Variants in ITGA5 observed in about 807,000 individuals in gnomAD.
The protein encoded by ITGA5 is integrin alpha-5.
ITGA5 carries 55 observed loss-of-function variants against 146.3 expected under a neutral mutation model. The observed-to-expected ratio is 0.38, with a 90% confidence interval of 0.30 to 0.47. ITGA5 has a LOEUF of 0.47. Ranked by LOEUF, ITGA5 falls within the 20% of genes least tolerant of loss-of-function variation. The pLI is 0.99. For synonymous variants in ITGA5, 500 were observed against 531.8 expected (o/e 0.94, Z 0.82); for missense variants, 1,131 against 1,329.0 (o/e 0.85, Z 2.32).
In ITGA5 at chr12:54,414,727, G is replaced by A. The variant is rs568460434; in HGVS notation, c.219-2763C>T. Among the ~76,000 whole-genome samples the A allele has an allele frequency of 1.6e-4, 24 of 149,970 alleles. 1 individual carries two copies. Among genetic ancestry groups the A allele is most frequent in the African/African-American group, 5.7e-4 (23 of 40,374 alleles). ...CCGGGCGTGGTGGCGGGCGCTTGTA[G>A]TCCCACCTACTAGGGAGGCTGAGGC... On this transcript the variant is annotated intron_variant, in intron 1 of 29. Coordinates refer to ENST00000293379, the MANE Select transcript of ITGA5 (RefSeq NM_002205.5).
chr12:54,397,280 C>A, intron 29 of ITGA5, 85 bp downstream of exon 29: 1 of 1,501,426 alleles, frequency 6.7e-7, no homozygotes, highest in Non-Finnish European at 9.2e-7. Context: ...GTGAACTGGT[C>A]TAGAGGTAGA....
chr12:54,403,936 A>T lies in ITGA5; in HGVS notation c.1596T>A (p.Ser532=). 1 of 1,614,250 alleles carries T rather than the reference A, an allele frequency of 6.2e-7. No homozygotes were observed. The highest frequency in any genetic ancestry group is 8.5e-7 in the Non-Finnish European group (1 of 1,180,044). ...CAATGGAGTCAGCAACGTGTTTTCC[A>T]GAAGCATTGAGGCAGAAGCTAAGGT... is the stretch of plus-strand genomic sequence containing the variant. ...CINLSFCLNA[S]GKHVADSIGF... The change falls in exon 16 of 30, where the codon TCT becomes TCA. Residue 532 remains serine, a synonymous_variant. Coordinates refer to ENST00000293379, the MANE Select transcript of ITGA5 (RefSeq NM_002205.5). The surrounding 1 kb of genome is among the most constrained non-coding windows in gnomAD (Gnocchi z 4.9).
intron 9 of ITGA5, 78 bp downstream of exon 9, chr12:54,407,570 GC>G: frequency 8.3e-7 from 1 of 1,208,990 alleles, no homozygotes; most frequent in Non-Finnish European, 1.2e-6. Flanking sequence ...ACCTTTTTGA[GC>G]CCTTGCAAAC....
chr12:54,407,429 G>C, intron 9 of ITGA5: 4 of 596,790 alleles, frequency 6.7e-6, no homozygotes, highest in Non-Finnish European at 1.2e-5. Flanking sequence ...TGTTATCCCA[G>C]TATACAGAGA....
chr12:54,405,661 C>T lies in ITGA5; in HGVS notation c.1016+3G>A. On this transcript the variant is annotated splice_donor_region_variant and intron_variant, in intron 11 of 29. Transcript: ENST00000293379. ...CACAGTGCGCTCATTTCCCACCACT[C>T]ACCCGTCCCCATTGACGTCTGTGGC... 1 of 1,612,838 alleles carries T rather than the reference C, an allele frequency of 6.2e-7. No individual in the cohort carries two copies. Among genetic ancestry groups the T allele is most frequent in the Non-Finnish European group, 8.5e-7 (1 of 1,178,932 alleles).
chr12:54,408,043 G>A, intron 7 of ITGA5, 67 bp downstream of exon 7: 1 of 1,598,884 alleles, frequency 6.3e-7, no homozygotes, highest in South Asian at 1.1e-5. Context: ...GGGAGGCGAG[G>A]GGGTGAGTGG....
At chr12:54,402,935 G>A (rs760183867) in intron 19 of ITGA5, 48 bp downstream of exon 19, 1 of 1,532,242 alleles carries the variant, frequency 6.5e-7, no homozygotes, top group South Asian at 1.1e-5. Context: ...ATTTTTTCAG[G>A]TGCCAGGTGC....
At position 54,396,118 on chromosome 12, in the gene ITGA5, G is replaced by C. The variant is rs922122767; in HGVS notation, c.*175C>G. ...TCCTTCACAGTGCATGGGGGGGAGG[G>C]ATCCCCAGCTCCTCACCCCCCTGGC... On this transcript the variant is annotated 3_prime_UTR_variant, in exon 30 of 30. Transcript: ENST00000293379. The C allele has an allele frequency of 3.0e-5, 18 of 593,158 alleles. No homozygotes were observed. The highest frequency in any genetic ancestry group is 5.4e-5 in the Non-Finnish European group (18 of 331,072). The allele number at this position is 593,158 out of a possible 1,614,324, so 36.7% of individuals were successfully genotyped here.
intron 2 of ITGA5, among the ~76,000 whole-genome samples, chr12:54,411,338 T>A (rs1955941576): frequency 1.3e-5 from 2 of 152,224 alleles, no homozygotes; most frequent in Admixed American, 6.5e-5. Flanking sequence ...ATGTAAAGTG[T>A]TCACAACTGG....
At chr12:54,399,570 G>A in intron 27 of ITGA5, 75 bp downstream of exon 27, 1 of 1,006,634 alleles carries the variant, frequency 9.9e-7, no homozygotes, top group Non-Finnish European at 1.6e-6. Flanking sequence ...GGTGGCTACT[G>A]CAGTGGAGAA....
At chr12:54,397,199 A>AGG (rs143537399) in intron 29 of ITGA5, 166 bp downstream of exon 29, 8 of 615,506 alleles carry the variant, frequency 1.3e-5, no homozygotes, top group African/African-American at 7.3e-5. Context: ...TATAGAATGA[A>AGG]GGGGGGGATC....
Position 54,397,376 on chromosome 12 carries a change from T to C in ITGA5, c.3055A>G (p.Ile1019Val), listed in dbSNP as rs551945113. ...GLLLLGLLIYILYKLGFFKRS... is the reference protein window; with the variant it reads ...GLLLLGLLIYVLYKLGFFKRS... ...AGGATGTGGCTGACCTTGTAGAGGA[T>C]GTAGATGAGTAGACCTAGGAGCAGG... is the stretch of plus-strand genomic sequence containing the variant. The change falls in exon 29 of 30, where the codon ATC becomes GTC. Residue 1019 changes from isoleucine to valine, a missense_variant. Around this residue, in one of 3 missense-constraint regions of ITGA5, gnomAD observed 889 missense variants for 1,021.5 expected, o/e 0.87. Transcript: ENST00000293379. The C allele has an allele frequency of 2.5e-5, 40 of 1,613,770 alleles. No homozygotes were observed. The South Asian group carries it at 4.1e-4, about 16-fold the overall frequency.
chr12:54,403,410 T>C lies in ITGA5; in HGVS notation c.1777-86A>G. 1 of 1,433,260 alleles carries C rather than the reference T, an allele frequency of 7.0e-7. No homozygotes were observed. Among genetic ancestry groups the C allele is most frequent in the Non-Finnish European group, 9.4e-7 (1 of 1,067,676 alleles). The allele number at this position is 1,433,260 out of a possible 1,614,324, so 88.8% of individuals were successfully genotyped here. ...CCTCAGCCTCTCTCATCTCCCTTTG[T>C]CTGCTTAGGGCCCAATTCCGACCAT... On this transcript the variant is annotated intron_variant, in intron 17 of 29. Coordinates refer to ENST00000293379, the MANE Select transcript of ITGA5 (RefSeq NM_002205.5). The surrounding 1 kb of genome is among the most constrained non-coding windows in gnomAD (Gnocchi z 4.9).
At position 54,405,245 on chromosome 12, in the gene ITGA5, G is replaced by A; in HGVS notation, c.1146C>T (p.Thr382=). 6.2e-7 allele frequency: 1 copy of A among 1,613,864 alleles called. No homozygotes were observed. Among genetic ancestry groups the A allele is most frequent in the Non-Finnish European group, 8.5e-7 (1 of 1,179,852 alleles). The change falls in exon 12 of 30, where the codon ACC becomes ACT. Residue 382 remains threonine, a synonymous_variant. Transcript: ENST00000293379. ...PAGIEPTPTL[T]LTGHDEFGRF... is the part of the protein sequence containing the mutation. ...GGCCAAACTCATCATGGCCAGTGAG[G>A]GTAAGGGTGGGCGTGGGCTCTATGC...
At chr12:54,399,192 A>G (rs1452910126) in intron 27 of ITGA5, among the ~76,000 whole-genome samples, 1 of 152,026 alleles carries the variant, frequency 6.6e-6, no homozygotes, top group Non-Finnish European at 1.5e-5. Flanking sequence ...TAAATGTGTA[A>G]CTGAATAATT....
chr12:54,404,540 C>T lies in ITGA5; in HGVS notation c.1418-65G>A, dbSNP rs1955835076. 3.1e-6 allele frequency: 5 copies of T among 1,589,036 alleles called. No homozygotes were observed. The African/African-American group carries it at 4.0e-5, about 13-fold the overall frequency. ...AGATCAGGATCCTTTCTTCCTAACC[C>T]CTCCTGGTTTCAACGCTCAGGGAGG... On this transcript the variant is annotated intron_variant, in intron 13 of 29. Coordinates refer to ENST00000293379, the MANE Select transcript of ITGA5 (RefSeq NM_002205.5).
chr12:54,399,657 C>A lies in ITGA5; in HGVS notation c.2829G>T (p.Lys943Asn). Residue 943 changes from lysine to asparagine, a missense_variant, in exon 27 of 30, where the codon AAG becomes AAT. Physicochemically the swap from Lys to Asn is moderately conservative, Grantham distance 94. Around this residue, in one of 3 missense-constraint regions of ITGA5, gnomAD observed 889 missense variants for 1,021.5 expected, o/e 0.87. Transcript: ENST00000293379. Reference protein sequence around the residue: ...SLQLHFRVWAKTFLQREHQPF... With the variant: ...SLQLHFRVWANTFLQREHQPF... ...AAGGCTCCCTCACCTGCAAGAAAGT[C>A]TTGGCCCAGACTCGGAAATGCAACT... 2 of 1,613,866 alleles carry A rather than the reference C, an allele frequency of 1.2e-6. No individual in the cohort carries two copies. The highest frequency in any genetic ancestry group is 1.7e-6 in the Non-Finnish European group (2 of 1,179,722).
intron 25 of ITGA5, 136 bp downstream of exon 25, chr12:54,400,710 G>T: frequency 1.3e-6 from 1 of 756,314 alleles, no homozygotes. Context: ...AGGTAACTTT[G>T]GGCCTTGTGA....
chr12:54,400,874 TTGG>T lies in ITGA5; in HGVS notation c.2612_2614del (p.Thr871del). The T allele has an allele frequency of 1.2e-6, 2 of 1,614,058 alleles. No homozygotes were observed. The highest frequency in any genetic ancestry group is 1.7e-6 in the Non-Finnish European group (2 of 1,179,982). ...CAGGCCCTTTGGGTTAATGGGGTGA[TTGG>T]TGGTGCAGTTGAGTCCCGTAACTCT... is the stretch of plus-strand genomic sequence containing the variant. On this transcript the variant is annotated inframe_deletion, in exon 25 of 30. Transcript: ENST00000293379.
Sources: gnomAD v4.1 joint callset for allele counts (sites outside exome capture counted in the v4.1 genomes callset) on GRCh38, gnomAD v4.1.1 for gene constraint, gnomAD v4.1.1 regional missense constraint, Gnocchi (gnomAD v3.1) non-coding constraint, MANE v1.5 for transcripts, NCBI Gene and HGNC (gene_info 2026-07-23, HGNC 2026-07-21) for gene names.